Variants in EYS observed in about 807,000 individuals in gnomAD.
The protein encoded by EYS is protein eyes shut homolog.
A neutral mutation model predicts 282.1 loss-of-function variants in EYS; 250 were observed. The observed-to-expected ratio is 0.89, with a 90% CI of 0.80 to 0.98. The LOEUF (loss-of-function observed/expected upper bound fraction) is 0.98. Among genes scored for constraint, EYS ranks in the 50% least tolerant of loss-of-function variants. The pLI, the probability that EYS is intolerant of heterozygous loss-of-function variation, is 0.00. For missense variants in EYS, 4,016 were observed against 3,709.0 expected (o/e 1.08, Z -2.15); for synonymous variants, 1,355 against 1,282.9 (o/e 1.06, Z -1.20).
intron 8 of EYS, among the ~76,000 whole-genome samples, chr6:65,354,892 AT>A: frequency 6.6e-6 from 1 of 152,084 alleles, no homozygotes; most frequent in Non-Finnish European, 1.5e-5. Context: ...ATATTAAATG[AT>A]TACCAAAAAA....
At chr6:64,486,840 G>A (rs1350102910) in intron 26 of EYS, among the ~76,000 whole-genome samples, 1 of 151,302 alleles carries the variant, frequency 6.6e-6, no homozygotes, top group Non-Finnish European at 1.5e-5. Context: ...AGGGAAGGAG[G>A]TGACCATATT....
chr6:64,891,255 C>T (rs924393694), intron 18 of EYS, among the ~76,000 whole-genome samples: 5 of 152,024 alleles, frequency 3.3e-5, no homozygotes, highest in Admixed American at 1.3e-4. Flanking sequence ...TTCCACCACA[C>T]TAAACAATAT....
chr6:64,616,783 G>A (rs1390359634), intron 24 of EYS, among the ~76,000 whole-genome samples: 1 of 152,054 alleles, frequency 6.6e-6, no homozygotes, highest in Non-Finnish European at 1.5e-5. Flanking sequence ...CTTAATTTCA[G>A]TGAAGGCTGG....
At chr6:63,729,519 A>G (rs571882364) in intron 41 of EYS, among the ~76,000 whole-genome samples, 14 of 149,488 alleles carry the variant, frequency 9.4e-5, no homozygotes, top group African/African-American at 2.7e-4. Flanking sequence ...CTGTGTCTAG[A>G]TTCTTTTTTT....
chr6:64,382,908 G>A, intron 29 of EYS, among the ~76,000 whole-genome samples: 1 of 152,254 alleles, frequency 6.6e-6, no homozygotes, highest in South Asian at 2.1e-4. Flanking sequence ...GGTGGGAAAA[G>A]AGGTTTCCTT....
chr6:63,862,980 CT>C (rs1230225871), intron 36 of EYS, among the ~76,000 whole-genome samples: 3 of 152,274 alleles, frequency 2.0e-5, no homozygotes, highest in Middle Eastern at 3.4e-3. Flanking sequence ...ACAAATGCTT[CT>C]TTTACTCTCG....
chr6:64,737,677 C>A (rs1772226975), intron 22 of EYS, among the ~76,000 whole-genome samples: 2 of 152,204 alleles, frequency 1.3e-5, no homozygotes, highest in African/African-American at 4.8e-5. Context: ...AGCAGAGCTG[C>A]TTCCTTTGTA....
At chr6:64,210,917 T>C (rs1319217489) in intron 31 of EYS, among the ~76,000 whole-genome samples, 1 of 152,170 alleles carries the variant, frequency 6.6e-6, no homozygotes, top group Non-Finnish European at 1.5e-5. Context: ...GATACACCCT[T>C]CTTTGCCTGC....
chr6:64,838,458 T>C (rs184113398), intron 19 of EYS, among the ~76,000 whole-genome samples: 53 of 152,082 alleles, frequency 3.5e-4, no homozygotes, highest in African/African-American at 1.3e-3. Context: ...GCTGGTTAAA[T>C]GAGAGTAAAA....
intron 36 of EYS, among the ~76,000 whole-genome samples, chr6:63,827,767 C>A (rs1008459187): frequency 1.3e-5 from 2 of 150,688 alleles, no homozygotes; most frequent in Non-Finnish European, 2.9e-5. Flanking sequence ...TGGCGTGAAC[C>A]CGGGAAGCGG....
chr6:65,612,279 T>C (rs917539446), intron 2 of EYS, among the ~76,000 whole-genome samples: 1 of 151,292 alleles, frequency 6.6e-6, no homozygotes, highest in Non-Finnish European at 1.5e-5. Flanking sequence ...ATCCTGGGTA[T>C]TACTATTTTA....
intron 26 of EYS, among the ~76,000 whole-genome samples, chr6:64,533,168 A>G (rs1466374578): frequency 1.3e-5 from 2 of 152,224 alleles, no homozygotes; most frequent in African/African-American, 4.8e-5. Context: ...AAATCAACAT[A>G]AAGAGAAAAC....
intron 37 of EYS, among the ~76,000 whole-genome samples, chr6:63,802,439 A>G (rs1024289434): frequency 1.3e-5 from 2 of 152,092 alleles, no homozygotes; most frequent in African/African-American, 4.8e-5. Context: ...CGTTCTGCAC[A>G]TGCATCCCAG....
At chr6:65,013,656 G>T (rs1057419937) in intron 13 of EYS, among the ~76,000 whole-genome samples, 3 of 152,100 alleles carry the variant, frequency 2.0e-5, no homozygotes, top group Non-Finnish European at 4.4e-5. Flanking sequence ...TGGGAGGATT[G>T]TTTGAGGCCA....
At chr6:63,729,522 C>A (rs1251853873) in intron 41 of EYS, among the ~76,000 whole-genome samples, 5 of 142,084 alleles carry the variant, frequency 3.5e-5, no homozygotes, top group African/African-American at 1.3e-4. Flanking sequence ...TGTCTAGATT[C>A]TTTTTTTTTT....
intron 29 of EYS, among the ~76,000 whole-genome samples, chr6:64,370,079 T>C (rs1424259915): frequency 6.6e-6 from 1 of 152,068 alleles, no homozygotes; most frequent in African/African-American, 2.4e-5. Flanking sequence ...ATAGGAGTGG[T>C]GAGAGAGGGC....
intron 35 of EYS, among the ~76,000 whole-genome samples, chr6:63,923,612 A>C (rs1297583905): frequency 6.6e-6 from 1 of 152,220 alleles, no homozygotes; most frequent in Non-Finnish European, 1.5e-5. Context: ...CAGAGGGTAC[A>C]TGTGCAGATT....
intron 28 of EYS, among the ~76,000 whole-genome samples, chr6:64,428,784 A>G (rs925002782): frequency 2.6e-5 from 4 of 152,168 alleles, no homozygotes; most frequent in Non-Finnish European, 5.9e-5. Context: ...AGTGCTTTCA[A>G]AATATATTTT....
chr6:65,100,565 T>A (rs1196912638), intron 12 of EYS, among the ~76,000 whole-genome samples: 1 of 150,936 alleles, frequency 6.6e-6, no homozygotes, highest in Non-Finnish European at 1.5e-5. Flanking sequence ...AACAAAATTA[T>A]GTTGCTGTCT....
Sources: allele counts gnomAD v4.1 joint callset (sites outside exome capture counted in the v4.1 genomes callset), GRCh38; gene constraint gnomAD v4.1.1; transcripts MANE v1.5; gene names NCBI Gene and HGNC (gene_info 2026-07-23, HGNC 2026-07-21).